The following ASTN2 variants were observed in gnomAD, a reference collection of about 807,000 sequenced individuals.
ASTN2 encodes the protein astrotactin 2, also known as astrotactin-2.
A neutral mutation model predicts 139.8 loss-of-function variants in ASTN2; 54 were observed. That is an observed-to-expected ratio of 0.39 (90% confidence interval 0.31 to 0.48). The LOEUF (loss-of-function observed/expected upper bound fraction) is 0.48, where lower values mean the gene tolerates loss of function less well. Among genes scored for constraint, ASTN2 ranks in the 20% least tolerant of loss-of-function variants. The pLI, the probability that ASTN2 is intolerant of heterozygous loss-of-function variation, is 0.95. For synonymous variants in ASTN2, 756 were observed against 719.5 expected (o/e 1.05, Z -0.81); for missense variants, 1,565 against 1,725.1 (o/e 0.91, Z 1.64).
At chr9:116,493,665 C>G (rs1849587169) in intron 19 of ASTN2, among the ~76,000 whole-genome samples, 1 of 152,170 alleles carries the variant, frequency 6.6e-6, no homozygotes, top group Non-Finnish European at 1.5e-5. Context: ...CTCTCTCTCT[C>G]TTTCTCCCCT....
intron 16 of ASTN2, among the ~76,000 whole-genome samples, chr9:116,663,666 CAT>C (rs1455170110): frequency 6.6e-6 from 1 of 152,072 alleles, no homozygotes; most frequent in Non-Finnish European, 1.5e-5. Flanking sequence ...GGCTGAAACT[CAT>C]AGAGATTTCC....
chr9:116,557,519 A>G (rs1425962055), intron 19 of ASTN2: 1 of 152,174 alleles, frequency 6.6e-6, no homozygotes, highest in East Asian at 1.9e-4. Flanking sequence ...TATAAATAAT[A>G]TTTCCCTTCC....
In ASTN2 at chr9:116,424,766, G is replaced by T. The variant is rs906666414; in HGVS notation, c.*1085C>A. ...CCTGCTATTTTTTATTTTTTGTATT[G>T]TTAGTAGAGACGGGGTTTCACCACA... On this transcript the variant is annotated 3_prime_UTR_variant, in exon 23 of 23. Coordinates refer to ENST00000313400, the MANE Select transcript of ASTN2 (RefSeq NM_001365068.1). Among the ~76,000 whole-genome samples the T allele has an allele frequency of 5.9e-4, 90 of 151,702 alleles. No individual in the cohort carries two copies. Among genetic ancestry groups the T allele is most frequent in the African/African-American group, 2.1e-3 (88 of 41,300 alleles).
chr9:116,496,600 A>G (rs1564318557), intron 19 of ASTN2, among the ~76,000 whole-genome samples: 2 of 152,162 alleles, frequency 1.3e-5, no homozygotes, highest in African/African-American at 4.8e-5. Flanking sequence ...AGTCGGGGAG[A>G]TGGGGCACTT....
intron 16 of ASTN2, among the ~76,000 whole-genome samples, chr9:116,661,753 A>T (rs1858574349): frequency 6.6e-6 from 1 of 152,132 alleles, no homozygotes; most frequent in African/African-American, 2.4e-5. Context: ...CCCTCTTTGT[A>T]TAGTTACACA....
chr9:116,757,900 A>T (rs1829577006), intron 13 of ASTN2, among the ~76,000 whole-genome samples: 1 of 152,208 alleles, frequency 6.6e-6, no homozygotes, highest in African/African-American at 2.4e-5. Context: ...GTTAAGAATT[A>T]AATGAGATAT....
At chr9:117,107,543 C>T (rs966607748) in intron 4 of ASTN2, among the ~76,000 whole-genome samples, 8 of 152,074 alleles carry the variant, frequency 5.3e-5, no homozygotes, top group African/African-American at 1.4e-4. Context: ...TTCATTCTGC[C>T]GTATCCTTTT....
At chr9:116,608,556 G>C (rs1218777001) in intron 19 of ASTN2, among the ~76,000 whole-genome samples, 1 of 151,978 alleles carries the variant, frequency 6.6e-6, no homozygotes, top group Non-Finnish European at 1.5e-5. Context: ...AGTTCAAAAT[G>C]TTTTTGAACT....
chr9:117,120,455 A>G (rs1055674433), intron 4 of ASTN2, among the ~76,000 whole-genome samples: 2 of 152,138 alleles, frequency 1.3e-5, no homozygotes, highest in Non-Finnish European at 2.9e-5. Context: ...TTTTATTTGG[A>G]CAATCATACA....
Position 116,754,118 on chromosome 9 carries a change from G to A in ASTN2, c.2397-20595C>T, listed in dbSNP as rs185621518. 1.0e-3 allele frequency among the ~76,000 whole-genome samples: 154 copies of A among 151,956 alleles called. 1 individual carries two copies. The highest frequency in any genetic ancestry group is 3.4e-3 in the Middle Eastern group (1 of 294). ...AGAATAATGGTTTCCAGCTTCATCC[G>A]TGTCCCTGCAAAGGACATAACTCAT... is the stretch of plus-strand genomic sequence containing the variant. On this transcript the variant is annotated intron_variant, in intron 13 of 22. Coordinates refer to ENST00000313400, the MANE Select transcript of ASTN2 (RefSeq NM_001365068.1).
intron 10 of ASTN2, among the ~76,000 whole-genome samples, chr9:116,890,810 G>C (rs1020998113): frequency 6.6e-6 from 1 of 152,152 alleles, no homozygotes; most frequent in Non-Finnish European, 1.5e-5. Flanking sequence ...AGTGGCAGGG[G>C]GGTGGAGCGG....
At chr9:117,048,965 T>TTTTTTTTTTTTTTTTTTTTTTTTTTG (rs1838832793) in intron 5 of ASTN2, among the ~76,000 whole-genome samples, 1 of 128,288 alleles carries the variant, frequency 7.8e-6, no homozygotes, top group Non-Finnish European at 1.7e-5. Flanking sequence ...ATCCATTGCT[T>TTTTTTTTTTTTTTTTTTTTTTTTTTG]TTTTTTTTTT....
In ASTN2 at chr9:116,860,224, T is replaced by G. The variant is rs538819710; in HGVS notation, c.2040+3359A>C. 3.9e-5 allele frequency among the ~76,000 whole-genome samples: 6 copies of G among 152,254 alleles called. No individual in the cohort carries two copies. In the South Asian group the frequency reaches 1.0e-3, roughly 26 times the overall value. The stretch of plus-strand genomic sequence containing the variant: ...AGGCAGAAAAAAAACTGAAATTGAC[T>G]AGAGTTAAGTTTCCACTAACAATGG... On this transcript the variant is annotated intron_variant, in intron 11 of 22. Coordinates refer to ENST00000313400, the MANE Select transcript of ASTN2 (RefSeq NM_001365068.1).
intron 1 of ASTN2, among the ~76,000 whole-genome samples, chr9:117,408,406 G>A (rs1588020883): frequency 6.6e-6 from 1 of 152,086 alleles, no homozygotes; most frequent in Non-Finnish European, 1.5e-5. Flanking sequence ...GTGATGCTGG[G>A]AGCCCATCAA....
At chr9:117,013,319 T>C (rs1397044264) in intron 6 of ASTN2, among the ~76,000 whole-genome samples, 2 of 152,080 alleles carry the variant, frequency 1.3e-5, no homozygotes, top group Non-Finnish European at 2.9e-5. Context: ...GTTTTATTTT[T>C]TGGCTTTCAA....
chr9:117,380,171 A>C (rs569259755), intron 1 of ASTN2, among the ~76,000 whole-genome samples: 1 of 152,324 alleles, frequency 6.6e-6, no homozygotes, highest in South Asian at 2.1e-4. Context: ...GGAATCTGAA[A>C]ATACAATAGA....
chr9:116,710,956 G>A (rs925377652), intron 16 of ASTN2, among the ~76,000 whole-genome samples: 2 of 152,136 alleles, frequency 1.3e-5, no homozygotes, highest in African/African-American at 2.4e-5. Context: ...AATGAAGAAT[G>A]TCATGGCCTG....
chr9:117,032,971 G>A (rs929676230), intron 6 of ASTN2, among the ~76,000 whole-genome samples: 59 of 152,068 alleles, frequency 3.9e-4, no homozygotes, highest in African/African-American at 1.4e-3. Flanking sequence ...TTTAGCATAG[G>A]TATTTTGATG....
chr9:117,122,490 A>G (rs1030816180), intron 4 of ASTN2, among the ~76,000 whole-genome samples: 5 of 152,108 alleles, frequency 3.3e-5, no homozygotes, highest in African/African-American at 9.7e-5. Context: ...GAGGAGAGGT[A>G]TTGGCTCTGT....
Sources: allele counts gnomAD v4.1 joint callset (sites outside exome capture counted in the v4.1 genomes callset), GRCh38; gene constraint gnomAD v4.1.1; transcripts MANE v1.5; gene names NCBI Gene and HGNC (gene_info 2026-07-23, HGNC 2026-07-21).